POLDIP3: variants seen among roughly 807,000 people sequenced by gnomAD.
POLDIP3 encodes DNA polymerase delta interacting protein 3, also known as polymerase delta-interacting protein 3.
Under a neutral mutation model 45.1 loss-of-function variants are expected in POLDIP3, and 14 were observed. The observed-to-expected ratio is 0.31, with a 90% CI of 0.20 to 0.49. POLDIP3 has a LOEUF of 0.49. Among genes scored for constraint, POLDIP3 ranks in the 20% least tolerant of loss-of-function variants. POLDIP3 has a pLI of 0.99. For synonymous variants in POLDIP3, 223 were observed against 205.2 expected (o/e 1.09, Z -0.74); for missense variants, 511 against 538.8 (o/e 0.95, Z 0.51).
intron 6 of POLDIP3, among the ~76,000 whole-genome samples, chr22:42,592,311 G>C (rs1247051247): frequency 6.6e-6 from 1 of 152,216 alleles, no homozygotes; most frequent in Admixed American, 6.5e-5. Flanking sequence ...ACAAGCCTTG[G>C]ATCACCTGGG....
At chr22:42,604,071 C>G (rs1294891050) in intron 1 of POLDIP3, among the ~76,000 whole-genome samples, 1 of 152,104 alleles carries the variant, frequency 6.6e-6, no homozygotes, top group African/African-American at 2.4e-5. Flanking sequence ...GAGATCCTCC[C>G]CAAGGTCTTT....
chr22:42,608,665 A>G (rs938497608), intron 1 of POLDIP3, among the ~76,000 whole-genome samples: 6 of 152,140 alleles, frequency 3.9e-5, no homozygotes, highest in African/African-American at 1.4e-4. Context: ...CAGCGAGGCG[A>G]GCGGGTGGTG....
chr22:42,585,049 C>T lies in POLDIP3; in HGVS notation c.*742G>A, dbSNP rs891337604. 1.3e-5 allele frequency: 6 copies of T among 454,740 alleles called. No homozygotes were observed. Among genetic ancestry groups the T allele is most frequent in the African/African-American group, 1.2e-4 (6 of 49,962 alleles). 28.2% of individuals were successfully genotyped at this position (454,740 alleles called of 1,614,324 possible). A position where few individuals can be genotyped will look rare whatever the true frequency, so the allele number is the denominator to read the frequency against. ...ACAGCCCCCTCCCAGCAAAGACACC[C>T]AGAAGGGAAAGAGAGCTGGGGTGGG... On this transcript the variant is annotated 3_prime_UTR_variant, in exon 9 of 9. Transcript: ENST00000252115.
chr22:42,595,663 T>C lies in POLDIP3; in HGVS notation c.814-49A>G, dbSNP rs376657507. ...CCAGAAGCCAGATGGCTGATAAGCA[T>C]TCCCACAACAGAAATTCCTCCAGGC... On this transcript the variant is annotated intron_variant, in intron 5 of 8. Transcript: ENST00000252115. 4.9e-5 allele frequency: 76 copies of C among 1,543,718 alleles called. 1 individual carries two copies. In the South Asian group the frequency reaches 7.9e-4, roughly 16 times the overall value.
intron 1 of POLDIP3, 86 bp downstream of exon 1, chr22:42,614,713 G>C (rs1016778345): frequency 2.4e-5 from 35 of 1,461,098 alleles, no homozygotes; most frequent in Admixed American, 3.4e-5. Context: ...CCGGTCCTCC[G>C]CGTCGCTCCC....
chr22:42,604,972 C>CTTTATAAGGAAGAAGCCA (rs1475165790), intron 1 of POLDIP3, among the ~76,000 whole-genome samples: 5 of 152,158 alleles, frequency 3.3e-5, no homozygotes, highest in Non-Finnish European at 5.9e-5. Flanking sequence ...GAAGAAGCCC[C>CTTTATAAGGAAGAAGCCA]AGAAAGCTCC....
At chr22:42,602,164 G>T in intron 2 of POLDIP3, 108 bp from the exon 3 acceptor site, 2 of 1,557,962 alleles carry the variant, frequency 1.3e-6, no homozygotes, top group East Asian at 2.3e-5. Context: ...TTTGGTCTTT[G>T]GTAAAAGGCA....
intron 1 of POLDIP3, among the ~76,000 whole-genome samples, 156 bp downstream of exon 1, chr22:42,614,643 C>T (rs1927360524): frequency 6.6e-6 from 1 of 152,074 alleles, no homozygotes; most frequent in Admixed American, 6.5e-5. Context: ...GTCGGGGCCA[C>T]GGCGGGGACG....
At chr22:42,600,767 C>T (rs577756363) in intron 3 of POLDIP3, among the ~76,000 whole-genome samples, 4 of 152,170 alleles carry the variant, frequency 2.6e-5, no homozygotes, top group Admixed American at 2.0e-4. Context: ...GTCAGGAGTT[C>T]GAGATCAGCC....
At chr22:42,603,290 T>TTTTGCCTACA in intron 1 of POLDIP3, 130 bp from the exon 2 acceptor site, 1 of 925,240 alleles carries the variant, frequency 1.1e-6, no homozygotes, top group Non-Finnish European at 1.6e-6. Context: ...TTGCCTGTGA[T>TTTTGCCTACA]TGAATAAACG....
intron 6 of POLDIP3, among the ~76,000 whole-genome samples, chr22:42,593,844 T>C (rs1569297488): frequency 6.6e-6 from 1 of 152,310 alleles, no homozygotes; most frequent in East Asian, 1.9e-4. Flanking sequence ...TAATGACTTG[T>C]CAAGTATTAC....
At chr22:42,605,483 G>C (rs1926668046) in intron 1 of POLDIP3, among the ~76,000 whole-genome samples, 1 of 152,232 alleles carries the variant, frequency 6.6e-6, no homozygotes, top group Non-Finnish European at 1.5e-5. Flanking sequence ...AGCCTAAACG[G>C]ACTAAAACAG....
intron 6 of POLDIP3, among the ~76,000 whole-genome samples, chr22:42,594,312 A>C (rs1296701595): frequency 6.6e-6 from 1 of 152,012 alleles, no homozygotes; most frequent in Non-Finnish European, 1.5e-5. Flanking sequence ...CGAGTTCGAG[A>C]CCAGCCTGGC....
At chr22:42,590,114 C>G (rs1355336473) in intron 7 of POLDIP3, among the ~76,000 whole-genome samples, 1 of 151,996 alleles carries the variant, frequency 6.6e-6, no homozygotes, top group African/African-American at 2.4e-5. Context: ...GAAAATAATT[C>G]AAGATGAATG....
intron 3 of POLDIP3, among the ~76,000 whole-genome samples, chr22:42,600,681 A>G (rs1926305507): frequency 7.2e-6 from 1 of 138,402 alleles, no homozygotes; most frequent in African/African-American, 2.7e-5. Flanking sequence ...AGTAAAAAAC[A>G]GACTGGGGCT....
At chr22:42,588,105 A>C (rs1319443376) in intron 7 of POLDIP3, among the ~76,000 whole-genome samples, 1 of 152,226 alleles carries the variant, frequency 6.6e-6, no homozygotes, top group East Asian at 1.9e-4. Flanking sequence ...TACATCATTA[A>C]AGGAATTAAA....
At chr22:42,595,321 A>T (rs1925917225) in intron 6 of POLDIP3, among the ~76,000 whole-genome samples, 1 of 152,174 alleles carries the variant, frequency 6.6e-6, no homozygotes. Flanking sequence ...CTCTGCTGGG[A>T]GGGGCCTCTG....
At chr22:42,603,305 T>C in intron 1 of POLDIP3, 145 bp from the exon 2 acceptor site, 3 of 807,030 alleles carry the variant, frequency 3.7e-6, no homozygotes, top group South Asian at 1.8e-5. Flanking sequence ...TAAACGATTA[T>C]GCCTACATGA....
chr22:42,597,942 G>C (rs943759548), intron 4 of POLDIP3, among the ~76,000 whole-genome samples: 3 of 151,848 alleles, frequency 2.0e-5, no homozygotes, highest in Non-Finnish European at 2.9e-5. Context: ...ATCATGCCCA[G>C]CTAATTTTTT....
Sources: gnomAD v4.1 joint callset for allele counts (sites outside exome capture counted in the v4.1 genomes callset) on GRCh38, gnomAD v4.1.1 for gene constraint, MANE v1.5 for transcripts, NCBI Gene and HGNC (gene_info 2026-07-23, HGNC 2026-07-21) for gene names.